DENND6A: variants seen among roughly 807,000 people sequenced by gnomAD.
DENND6A encodes the protein DENN domain containing 6A, also known as protein DENND6A.
A neutral mutation model predicts 95.5 loss-of-function variants in DENND6A; 43 were observed. That is an observed-to-expected ratio of 0.45 (90% confidence interval 0.35 to 0.58). The LOEUF (loss-of-function observed/expected upper bound fraction) is 0.58. Ranked by LOEUF, DENND6A falls within the 20% of genes least tolerant of loss-of-function variation. The probability of loss-of-function intolerance (pLI) is 0.00; values close to 1 mark genes in which losing one functional copy is unlikely to be tolerated. For missense variants in DENND6A, 574 were observed against 736.0 expected (o/e 0.78, Z 2.55); for synonymous variants, 257 against 260.4 (o/e 0.99, Z 0.13).
chr3:57,633,587 C>T (rs904709850), intron 14 of DENND6A, among the ~76,000 whole-genome samples: 1 of 152,042 alleles, frequency 6.6e-6, no homozygotes, highest in African/African-American at 2.4e-5. Flanking sequence ...TCATCCCATA[C>T]TGTGAAAATG....
chr3:57,670,642 C>T (rs1328037689), intron 3 of DENND6A, among the ~76,000 whole-genome samples: 3 of 152,280 alleles, frequency 2.0e-5, no homozygotes. Context: ...GCTCTTTTTG[C>T]ATCTGCTGTT....
chr3:57,629,010 G>A, intron 18 of DENND6A, 125 bp from the exon 19 acceptor site: 2 of 715,220 alleles, frequency 2.8e-6, no homozygotes, highest in East Asian at 5.5e-5. Flanking sequence ...ATTTAACCCA[G>A]ATATAGCATT....
chr3:57,642,362 G>T (rs554073422), intron 11 of DENND6A, among the ~76,000 whole-genome samples: 2 of 148,318 alleles, frequency 1.3e-5, no homozygotes, highest in African/African-American at 4.9e-5. Flanking sequence ...GAGAACCTAT[G>T]TCTACCAGGG....
intron 1 of DENND6A, among the ~76,000 whole-genome samples, chr3:57,681,086 C>T (rs556765856): frequency 6.6e-6 from 1 of 152,264 alleles, no homozygotes; most frequent in East Asian, 1.9e-4. Context: ...AACTCGTACA[C>T]AAATTTTCAT....
intron 1 of DENND6A, among the ~76,000 whole-genome samples, chr3:57,683,025 G>A (rs185613073): frequency 1.3e-5 from 2 of 152,268 alleles, no homozygotes; most frequent in Admixed American, 1.3e-4. Context: ...GGAGAGCAGG[G>A]ATTCTCATGT....
intron 3 of DENND6A, among the ~76,000 whole-genome samples, chr3:57,669,955 G>A (rs894767367): frequency 1.3e-5 from 2 of 150,278 alleles, no homozygotes; most frequent in African/African-American, 4.9e-5. Flanking sequence ...GGGAGGCGGA[G>A]GTTGCAGTGA....
At chr3:57,663,515 T>C (rs557467606) in intron 5 of DENND6A, 121 bp downstream of exon 5, 94 of 329,006 alleles carry the variant, frequency 2.9e-4, no homozygotes, top group East Asian at 1.1e-3. Context: ...CACACACACA[T>C]ATATATAGCA....
Position 57,682,281 on chromosome 3 carries a change from C to CAAAAA in DENND6A, c.238-9848_238-9844dup, listed in dbSNP as rs10618015. 9.1e-4 allele frequency among the ~76,000 whole-genome samples: 49 copies of CAAAAA among 53,566 alleles called. 4 individuals carry two copies. The highest frequency in any genetic ancestry group is 3.6e-3 in the African/African-American group (44 of 12,198). 35.1% of individuals were successfully genotyped at this position (53,566 alleles called of 152,430 possible). A position where few individuals can be genotyped will look rare whatever the true frequency, so the allele number is the denominator to read the frequency against. On this transcript the variant is annotated intron_variant, in intron 1 of 19. Transcript: ENST00000311128. ...GGGCAACAAGAGTGAGACTCCGTCT[C>CAAAAA]AAAAAAAAAAAAAAAAAAAAAAAAA...
intron 9 of DENND6A, 88 bp from the exon 10 acceptor site, chr3:57,646,526 T>C (rs1402172054): frequency 4.8e-6 from 7 of 1,452,840 alleles, no homozygotes; most frequent in Middle Eastern, 1.8e-4. Context: ...AAACTCCACA[T>C]TGATATAAAT....
intron 1 of DENND6A, among the ~76,000 whole-genome samples, chr3:57,679,009 C>T (rs541122783): frequency 1.3e-5 from 2 of 152,358 alleles, no homozygotes; most frequent in South Asian, 2.1e-4. Flanking sequence ...GAAGCTGAGG[C>T]ACAAGTATGG....
chr3:57,625,506 C>T lies in DENND6A; in HGVS notation c.*2708G>A, dbSNP rs1209438786. The T allele has an allele frequency of 1.3e-5, 2 of 152,458 alleles. No individual in the cohort carries two copies. Among genetic ancestry groups the T allele is most frequent in the Non-Finnish European group, 2.9e-5 (2 of 68,022 alleles). 9.4% of individuals were successfully genotyped at this position (152,458 alleles called of 1,614,324 possible). A position where few individuals can be genotyped will look rare whatever the true frequency, so the allele number is the denominator to read the frequency against. On this transcript the variant is annotated 3_prime_UTR_variant, in exon 20 of 20. Transcript: ENST00000311128. ...AGTTTTTGGTAATGACCATAAATGCCTTCACAAAACCTCTTTTTCACTGTA... is the reference window on the plus strand; with the variant it reads ...AGTTTTTGGTAATGACCATAAATGCTTTCACAAAACCTCTTTTTCACTGTA...
intron 11 of DENND6A, among the ~76,000 whole-genome samples, chr3:57,643,156 T>G (rs1390543536): frequency 6.6e-6 from 1 of 151,686 alleles, no homozygotes; most frequent in Non-Finnish European, 1.5e-5. Context: ...AGATAAGAAA[T>G]GTAATCAGAG....
Position 57,661,533 on chromosome 3 carries a change from T to C in DENND6A, c.532A>G (p.Lys178Glu). The C allele has an allele frequency of 6.3e-7, 1 of 1,580,128 alleles. No individual in the cohort carries two copies. The highest frequency in any genetic ancestry group is 1.2e-5 in the South Asian group (1 of 83,504). ...TGAAAAAAATGAATATAAGGTAGTTTGCTGATCAAAACCAAGGACTGAGGA... is the reference window on the plus strand; with the variant it reads ...TGAAAAAAATGAATATAAGGTAGTTCGCTGATCAAAACCAAGGACTGAGGA... ...YFQKSLVLISKLPYIHFFHTV... is the reference protein window; with the variant it reads ...YFQKSLVLISELPYIHFFHTV... The change falls in exon 6 of 20, where the codon AAA becomes GAA. Residue 178 changes from lysine to glutamate, a missense_variant. Physicochemically the swap from Lys to Glu is moderately conservative, Grantham distance 56. This residue lies in a region of DENND6A where 452 missense variants were observed against 630.9 expected (regional missense o/e 0.72). Coordinates refer to ENST00000311128, the MANE Select transcript of DENND6A (RefSeq NM_152678.3).
intron 3 of DENND6A, among the ~76,000 whole-genome samples, chr3:57,666,842 T>C (rs1420526687): frequency 1.3e-5 from 2 of 152,156 alleles, no homozygotes; most frequent in Non-Finnish European, 2.9e-5. Flanking sequence ...ATTTGACCTA[T>C]GACTGTACTG....
chr3:57,632,406 A>G (rs1331969083), intron 15 of DENND6A, among the ~76,000 whole-genome samples: 2 of 151,868 alleles, frequency 1.3e-5, no homozygotes, highest in Non-Finnish European at 2.9e-5. Flanking sequence ...TGTAGTCTCA[A>G]AGTCCTGGCC....
chr3:57,630,879 G>C lies in DENND6A; in HGVS notation c.1407+46C>G, dbSNP rs779303291. On this transcript the variant is annotated intron_variant, in intron 16 of 19. Transcript: ENST00000311128. ...ATTAGGAGTGGATATGTTCACAGAA[G>C]TTAATTACAGTTAGAGGACCCAAAT... is the stretch of plus-strand genomic sequence containing the variant. The C allele has an allele frequency of 2.5e-6, 4 of 1,610,616 alleles. No homozygotes were observed. The East Asian group carries it at 8.9e-5, about 36-fold the overall frequency.
At position 57,628,793 on chromosome 3, in the gene DENND6A, G is replaced by A. The variant is rs2070591129; in HGVS notation, c.1695+18C>T. The A allele has an allele frequency of 1.2e-6, 2 of 1,605,010 alleles. No individual in the cohort carries two copies. The highest frequency in any genetic ancestry group is 1.7e-6 in the Non-Finnish European group (2 of 1,177,136). On this transcript the variant is annotated intron_variant, in intron 19 of 19. Coordinates refer to ENST00000311128, the MANE Select transcript of DENND6A (RefSeq NM_152678.3). ...CAAAGAAAAGTCAATTTAATCTTTGGCTGTTTTGGCTACATACCAGCTTAT... is the reference window on the plus strand; with the variant it reads ...CAAAGAAAAGTCAATTTAATCTTTGACTGTTTTGGCTACATACCAGCTTAT...
chr3:57,658,393 G>A (rs2071366415), intron 8 of DENND6A, among the ~76,000 whole-genome samples: 1 of 152,150 alleles, frequency 6.6e-6, no homozygotes, highest in Non-Finnish European at 1.5e-5. Context: ...AGCCAGGCAT[G>A]GTGGCATGCA....
At chr3:57,685,948 A>C (rs1328288264) in intron 1 of DENND6A, among the ~76,000 whole-genome samples, 1 of 152,206 alleles carries the variant, frequency 6.6e-6, no homozygotes, top group African/African-American at 2.4e-5. Flanking sequence ...AAAACAGAAA[A>C]GTTTATATAA....
Sources: allele counts gnomAD v4.1 joint callset (sites outside exome capture counted in the v4.1 genomes callset), GRCh38; gene constraint gnomAD v4.1.1; regional missense constraint gnomAD v4.1.1; transcripts MANE v1.5; gene names NCBI Gene and HGNC (gene_info 2026-07-23, HGNC 2026-07-21).